ENTREP2: variants seen among roughly 807,000 people sequenced by gnomAD.
The protein encoded by ENTREP2 is endosomal transmembrane epsin interactor 2.
At chr15:29,269,507 CCT>C in the ENTREP2 span, 1 of 1,602,976 alleles carries the variant, frequency 6.2e-7, no homozygotes, top group South Asian at 1.1e-5. Flanking sequence ...CGGCGGGCGC[CCT>C]GAGGCGAGGG....
the ENTREP2 span, among the ~76,000 whole-genome samples, chr15:29,547,357 G>T: frequency 6.6e-6 from 1 of 151,938 alleles, no homozygotes; most frequent in Non-Finnish European, 1.5e-5. Context: ...AAAAGTGCTG[G>T]GATTACAGGC....
chr15:29,530,858 T>C, the ENTREP2 span, among the ~76,000 whole-genome samples: 1 of 151,978 alleles, frequency 6.6e-6, no homozygotes, highest in Non-Finnish European at 1.5e-5. Context: ...TCTGACAGAG[T>C]TCCAACCACA....
the ENTREP2 span, among the ~76,000 whole-genome samples, chr15:29,474,485 T>A: frequency 3.3e-5 from 5 of 152,284 alleles, no homozygotes; most frequent in Admixed American, 3.3e-4. Context: ...CCTGACAATC[T>A]ATATGTCCTG....
the ENTREP2 span, chr15:29,611,348 C>G: frequency 6.6e-6 from 1 of 151,700 alleles, no homozygotes; most frequent in Admixed American, 6.6e-5. Flanking sequence ...CTCTTTTAGT[C>G]GGACAGACAG....
chr15:29,457,742 G>C, the ENTREP2 span, among the ~76,000 whole-genome samples: 1 of 152,212 alleles, frequency 6.6e-6, no homozygotes, highest in South Asian at 2.1e-4. Flanking sequence ...TGTCACACGG[G>C]AGAGACACAC....
the ENTREP2 span, among the ~76,000 whole-genome samples, chr15:29,616,271 T>C: frequency 6.6e-6 from 1 of 152,196 alleles, no homozygotes; most frequent in Admixed American, 6.5e-5. Flanking sequence ...AAGGGGACGA[T>C]GACCCCTTGG....
the ENTREP2 span, chr15:29,234,822 T>A: frequency 9.0e-6 from 13 of 1,444,210 alleles, no homozygotes; most frequent in Non-Finnish European, 1.3e-5. Flanking sequence ...TTATCATTTG[T>A]GCAAGGTAAG....
At chr15:29,388,901 G>A in the ENTREP2 span, among the ~76,000 whole-genome samples, 1 of 146,782 alleles carries the variant, frequency 6.8e-6, no homozygotes, top group African/African-American at 2.5e-5. Flanking sequence ...ACTCATAGGT[G>A]GGAATTGAAC....
the ENTREP2 span, among the ~76,000 whole-genome samples, chr15:29,144,342 A>C: frequency 6.6e-6 from 1 of 152,224 alleles, no homozygotes; most frequent in African/African-American, 2.4e-5. Context: ...TGAGAAGAAT[A>C]GAAAATGTGA....
chr15:29,246,111 A>G, the ENTREP2 span, among the ~76,000 whole-genome samples: 3 of 152,348 alleles, frequency 2.0e-5, no homozygotes, highest in African/African-American at 4.8e-5. Context: ...ATACTATTCA[A>G]TCGGGCACAG....
the ENTREP2 span, among the ~76,000 whole-genome samples, chr15:29,629,516 T>A: frequency 1.3e-5 from 2 of 152,218 alleles, no homozygotes; most frequent in African/African-American, 4.8e-5. Flanking sequence ...ATGAAGCATA[T>A]CGCAGTCTAC....
the ENTREP2 span, among the ~76,000 whole-genome samples, chr15:29,653,377 T>TA: frequency 8.5e-5 from 13 of 152,230 alleles, no homozygotes; most frequent in African/African-American, 1.9e-4. Flanking sequence ...TTTGTTGATT[T>TA]AAACTGGCTG....
chr15:29,663,468 G>A, the ENTREP2 span, among the ~76,000 whole-genome samples: 1 of 152,092 alleles, frequency 6.6e-6, no homozygotes, highest in African/African-American at 2.4e-5. Context: ...CAACCAAAAT[G>A]CCCATCAATG....
At chr15:29,326,765 G>A in the ENTREP2 span, among the ~76,000 whole-genome samples, 1 of 151,900 alleles carries the variant, frequency 6.6e-6, no homozygotes, top group African/African-American at 2.4e-5. Flanking sequence ...AATGCTAAAG[G>A]AGAAGAAAAA....
chr15:29,212,804 AT>A, the ENTREP2 span, among the ~76,000 whole-genome samples: 1 of 152,162 alleles, frequency 6.6e-6, no homozygotes, highest in African/African-American at 2.4e-5. Flanking sequence ...ATTAGATCCC[AT>A]TTGTCAGTTT....
chr15:29,234,957 C>T, the ENTREP2 span: 1 of 1,519,500 alleles, frequency 6.6e-7, no homozygotes, highest in South Asian at 1.1e-5. Context: ...TCTCCAGTGT[C>T]ATTCCAACAG....
At chr15:29,639,961 G>A in the ENTREP2 span, among the ~76,000 whole-genome samples, 4 of 151,794 alleles carry the variant, frequency 2.6e-5, no homozygotes, top group Non-Finnish European at 5.9e-5. Flanking sequence ...TAGAGATGGG[G>A]TTTCACCACG....
the ENTREP2 span, among the ~76,000 whole-genome samples, chr15:29,673,116 G>T: frequency 6.6e-6 from 1 of 152,082 alleles, no homozygotes; most frequent in Non-Finnish European, 1.5e-5. Flanking sequence ...AATGGTGCTG[G>T]TAGGAGTGTC....
chr15:29,327,886 T>C, the ENTREP2 span, among the ~76,000 whole-genome samples: 527 of 152,326 alleles, frequency 3.5e-3, 2 homozygotes, highest in Non-Finnish European at 5.9e-3. Context: ...GAAAACAGTT[T>C]AAAAGTTTCT....
Sources: allele counts gnomAD v4.1 joint callset (sites outside exome capture counted in the v4.1 genomes callset), GRCh38; gene constraint gnomAD v4.1.1; transcripts MANE v1.5; gene names NCBI Gene and HGNC (gene_info 2026-07-23, HGNC 2026-07-21).